Variants in STX18 observed in about 807,000 individuals in gnomAD.
STX18 encodes the protein syntaxin-18.
A neutral mutation model predicts 50.1 loss-of-function variants in STX18; 40 were observed. That is an observed-to-expected ratio of 0.80 (90% CI 0.62 to 1.04). The LOEUF (loss-of-function observed/expected upper bound fraction) is 1.04, where lower values mean the gene tolerates loss of function less well. STX18 is among the 50% of genes least tolerant of loss of function. The pLI is 0.00. For synonymous variants in STX18, 158 were observed against 151.8 expected, an observed-to-expected ratio of 1.04 and a Z score of -0.30; for missense variants, 410 against 415.8, an observed-to-expected ratio of 0.99 and a Z score of 0.12.
chr4:4,482,743 T>A (rs954073779), intron 1 of STX18, among the ~76,000 whole-genome samples: 1 of 152,290 alleles, frequency 6.6e-6, no homozygotes, highest in Non-Finnish European at 1.5e-5. Context: ...CAACTTCTAC[T>A]CAAAATTGCA....
At chr4:4,535,485 T>C (rs1421865131) in intron 1 of STX18, among the ~76,000 whole-genome samples, 1 of 152,024 alleles carries the variant, frequency 6.6e-6, no homozygotes, top group Non-Finnish European at 1.5e-5. Context: ...CTGGAGAGCA[T>C]TAAAGCAGTG....
In STX18 at chr4:4,471,628, T is replaced by C; in HGVS notation, c.236+11A>G. On this transcript the variant is annotated intron_variant, in intron 2 of 10. Transcript: ENST00000306200. ...AGTCACCAAAGTCCTGGTAAAAAAA[T>C]ATGTACTTACCTATAAGCATTAATA... The C allele has an allele frequency of 1.3e-6, 2 of 1,533,760 alleles. No homozygotes were observed. Among genetic ancestry groups the C allele is most frequent in the Non-Finnish European group, 1.7e-6 (2 of 1,143,606 alleles).
At chr4:4,486,123 C>G (rs1728689518) in intron 1 of STX18, among the ~76,000 whole-genome samples, 1 of 152,184 alleles carries the variant, frequency 6.6e-6, no homozygotes, top group South Asian at 2.1e-4. Context: ...ATGGAAAGAA[C>G]CCCCAAATGC....
intron 2 of STX18, among the ~76,000 whole-genome samples, chr4:4,469,058 T>C (rs532889771): frequency 4.6e-5 from 7 of 152,306 alleles, no homozygotes; most frequent in Non-Finnish European, 8.8e-5. Context: ...AGTCTATTTA[T>C]ATTCCCCTTG....
At chr4:4,528,902 A>G (rs763157272) in intron 1 of STX18, among the ~76,000 whole-genome samples, 1 of 152,262 alleles carries the variant, frequency 6.6e-6, no homozygotes, top group Non-Finnish European at 1.5e-5. Context: ...TAATGAACAA[A>G]TAAAATCAAA....
At chr4:4,535,091 A>G (rs1440731160) in intron 1 of STX18, among the ~76,000 whole-genome samples, 1 of 152,000 alleles carries the variant, frequency 6.6e-6, no homozygotes. Flanking sequence ...CCTTCTACCT[A>G]CGTCTGGTGG....
At chr4:4,466,522 C>T (rs1026469900) in intron 2 of STX18, among the ~76,000 whole-genome samples, 2 of 152,010 alleles carry the variant, frequency 1.3e-5, no homozygotes, top group Admixed American at 1.3e-4. Context: ...CCAGACAGAC[C>T]AGGAGAGGAA....
intron 1 of STX18, among the ~76,000 whole-genome samples, chr4:4,474,420 T>C (rs1163583426): frequency 1.3e-5 from 2 of 152,192 alleles, no homozygotes; most frequent in Non-Finnish European, 2.9e-5. Context: ...AGAAGGATTA[T>C]ACCTGCTACC....
chr4:4,540,792 A>T (rs1731550592), intron 1 of STX18, among the ~76,000 whole-genome samples: 1 of 152,210 alleles, frequency 6.6e-6, no homozygotes, highest in South Asian at 2.1e-4. Flanking sequence ...ACTGTCATTA[A>T]TGCATGCATG....
chr4:4,473,501 G>T (rs1300779833), intron 1 of STX18, among the ~76,000 whole-genome samples: 1 of 151,998 alleles, frequency 6.6e-6, no homozygotes, highest in Non-Finnish European at 1.5e-5. Flanking sequence ...CACCATGTTA[G>T]CCAGGATGGT....
intron 1 of STX18, among the ~76,000 whole-genome samples, chr4:4,501,755 A>G (rs1238902032): frequency 6.6e-6 from 1 of 152,222 alleles, no homozygotes; most frequent in African/African-American, 2.4e-5. Flanking sequence ...GAAATACTTA[A>G]ATACGAATGC....
intron 3 of STX18, among the ~76,000 whole-genome samples, chr4:4,459,062 G>GCACACACACACACACA (rs60704649): frequency 0.011 from 1,559 of 144,346 alleles, 13 homozygotes; most frequent in Non-Finnish European, 0.017. Flanking sequence ...ACACACACAC[G>GCACACACACACACACA]CACACACACA....
intron 5 of STX18, among the ~76,000 whole-genome samples, chr4:4,455,713 G>A (rs1398519911): frequency 6.6e-6 from 1 of 152,154 alleles, no homozygotes; most frequent in Non-Finnish European, 1.5e-5. Flanking sequence ...GAATCCTTGG[G>A]CAATGAGTTA....
chr4:4,507,096 C>T, intron 1 of STX18: 1 of 543,946 alleles, frequency 1.8e-6, no homozygotes, highest in Admixed American at 2.0e-5. Context: ...AGTTGGAGCG[C>T]CAAGATCGTG....
At chr4:4,435,287 C>T (rs938394987) in intron 6 of STX18, among the ~76,000 whole-genome samples, 2 of 150,112 alleles carry the variant, frequency 1.3e-5, no homozygotes, top group Non-Finnish European at 3.0e-5. Context: ...TATATACATA[C>T]ATATATATAT....
chr4:4,501,401 T>C (rs1423717740), intron 1 of STX18, among the ~76,000 whole-genome samples: 1 of 152,224 alleles, frequency 6.6e-6, no homozygotes, highest in Non-Finnish European at 1.5e-5. Context: ...TCGGTCAGAA[T>C]GACTGCATTT....
At chr4:4,465,379 G>C (rs2108827432) in intron 2 of STX18, among the ~76,000 whole-genome samples, 1 of 152,268 alleles carries the variant, frequency 6.6e-6, no homozygotes, top group South Asian at 2.1e-4. Flanking sequence ...TGATAGACTG[G>C]ATCAAGAAAA....
At chr4:4,488,291 T>C (rs1728783312) in intron 1 of STX18, among the ~76,000 whole-genome samples, 2 of 152,078 alleles carry the variant, frequency 1.3e-5, no homozygotes, top group South Asian at 4.1e-4. Context: ...GACTAAATAC[T>C]ACCCTACTGA....
In STX18 at chr4:4,420,314, CCT is replaced by C. The variant is rs1724865554; in HGVS notation, c.913-187_913-186del. The stretch of plus-strand genomic sequence containing the variant: ...CCAGAAGACAAATGGGTTATATTTC[CCT>C]CTGTTTGGCCATCATTTGGGTCCTG... On this transcript the variant is annotated intron_variant, in intron 10 of 10. Transcript: ENST00000306200. This position sits in a 1 kb window ranked among gnomAD's most constrained non-coding sequence, Gnocchi z 4.3. 1 of 579,590 alleles carries C rather than the reference CCT, an allele frequency of 1.7e-6. No individual in the cohort carries two copies. The highest frequency in any genetic ancestry group is 1.9e-5 in the African/African-American group (1 of 53,376). The allele number at this position is 579,590 out of a possible 1,614,324, so 35.9% of individuals were successfully genotyped here.
Sources: allele counts gnomAD v4.1 joint callset (sites outside exome capture counted in the v4.1 genomes callset), GRCh38; gene constraint gnomAD v4.1.1; non-coding constraint Gnocchi (gnomAD v3.1); transcripts MANE v1.5; gene names NCBI Gene and HGNC (gene_info 2026-07-23, HGNC 2026-07-21).